The following RFX3 variants were observed in gnomAD, a reference collection of about 807,000 sequenced individuals.
The protein encoded by RFX3 is regulatory factor X3.
In RFX3, 14 loss-of-function variants were observed where a neutral mutation model predicts 98.6. The observed-to-expected ratio is 0.14, with a 90% CI of 0.09 to 0.22. The LOEUF (loss-of-function observed/expected upper bound fraction) is 0.22, where lower values mean the gene tolerates loss of function less well. RFX3 is among the 10% of genes least tolerant of loss of function. The pLI is 1.00. For synonymous variants in RFX3, 383 were observed against 328.4 expected (o/e 1.17, Z -1.80); for missense variants, 639 against 926.9 (o/e 0.69, Z 4.03).
intron 1 of RFX3, among the ~76,000 whole-genome samples, chr9:3,505,509 A>T (rs1044704587): frequency 5.5e-5 from 2 of 36,062 alleles, no homozygotes; most frequent in African/African-American, 1.4e-4. Flanking sequence ...TATTCAGGGA[A>T]AGGCATATAA....
intron 1 of RFX3, among the ~76,000 whole-genome samples, chr9:3,520,931 C>T (rs1043222928): frequency 3.5e-4 from 53 of 152,306 alleles, no homozygotes; most frequent in African/African-American, 1.2e-3. Flanking sequence ...CCTTCTGCCT[C>T]AGTCCCAAAG....
intron 11 of RFX3, among the ~76,000 whole-genome samples, chr9:3,270,145 G>GAA (rs376883026): frequency 2.3e-5 from 3 of 130,808 alleles, no homozygotes; most frequent in Admixed American, 7.4e-5. Context: ...GAAAGAAAAG[G>GAA]AGAAAGAAAG....
chr9:3,309,088 CAGGT>C (rs1247470762), intron 4 of RFX3, among the ~76,000 whole-genome samples: 1 of 152,056 alleles, frequency 6.6e-6, no homozygotes, highest in Non-Finnish European at 1.5e-5. Flanking sequence ...TTGTTCTTGT[CAGGT>C]AGATTCAAGA....
intron 5 of RFX3, among the ~76,000 whole-genome samples, chr9:3,298,023 T>A (rs1358022372): frequency 6.6e-6 from 1 of 151,870 alleles, no homozygotes; most frequent in African/African-American, 2.4e-5. Context: ...GAATTAAATA[T>A]TTTAATTTCA....
At chr9:3,422,839 T>A (rs980852890) in intron 1 of RFX3, among the ~76,000 whole-genome samples, 1 of 152,156 alleles carries the variant, frequency 6.6e-6, no homozygotes, top group Non-Finnish European at 1.5e-5. Context: ...GAGAAATGTA[T>A]TTCAGAAATG....
intron 1 of RFX3, among the ~76,000 whole-genome samples, chr9:3,404,184 G>C (rs1841743963): frequency 6.6e-6 from 1 of 152,076 alleles, no homozygotes; most frequent in African/African-American, 2.4e-5. Flanking sequence ...CATGGGTGTA[G>C]GTGGACCTCA....
intron 1 of RFX3, among the ~76,000 whole-genome samples, chr9:3,522,863 TAATA>T (rs1194326068): frequency 1.3e-5 from 2 of 152,160 alleles, no homozygotes; most frequent in African/African-American, 4.8e-5. Flanking sequence ...AAATTAACCA[TAATA>T]AATTGTTTAG....
intron 3 of RFX3, among the ~76,000 whole-genome samples, chr9:3,346,375 A>G (rs915816382): frequency 6.6e-6 from 1 of 152,210 alleles, no homozygotes; most frequent in South Asian, 2.1e-4. Flanking sequence ...TAAAATACAG[A>G]TATCACTAAC....
At chr9:3,334,208 T>C (rs1481374503) in intron 3 of RFX3, among the ~76,000 whole-genome samples, 1 of 152,222 alleles carries the variant, frequency 6.6e-6, no homozygotes, top group African/African-American at 2.4e-5. Flanking sequence ...CTATTTGAGA[T>C]TTCCTTACAG....
At chr9:3,368,330 C>G (rs956228967) in intron 2 of RFX3, among the ~76,000 whole-genome samples, 1 of 152,106 alleles carries the variant, frequency 6.6e-6, no homozygotes, top group Non-Finnish European at 1.5e-5. Context: ...TGTTTCTATT[C>G]TATCTGAATC....
chr9:3,270,106 G>GAAAGAAAGAAAGAAAC (rs1824215730), intron 11 of RFX3, among the ~76,000 whole-genome samples: 1 of 25,784 alleles, frequency 3.9e-5, no homozygotes, highest in African/African-American at 6.2e-5. Context: ...AAGAAAGAAA[G>GAAAGAAAGAAAGAAAC]AAAGAAAGAA....
intron 16 of RFX3, among the ~76,000 whole-genome samples, chr9:3,226,682 A>G (rs894531876): frequency 3.9e-5 from 6 of 152,204 alleles, no homozygotes; most frequent in African/African-American, 1.4e-4. Context: ...GTACATTCAA[A>G]GGGTTGGAGG....
chr9:3,388,094 T>TC (rs1300933062), intron 2 of RFX3, among the ~76,000 whole-genome samples: 6 of 152,116 alleles, frequency 3.9e-5, no homozygotes, highest in Non-Finnish European at 8.8e-5. Flanking sequence ...TCGGTATAAT[T>TC]CTAATTATCA....
At chr9:3,516,861 T>C (rs1818229690) in intron 1 of RFX3, among the ~76,000 whole-genome samples, 2 of 152,040 alleles carry the variant, frequency 1.3e-5, no homozygotes, top group South Asian at 4.1e-4. Context: ...CACACACACA[T>C]AGAGAAGCTG....
chr9:3,257,737 G>T (rs928888139), intron 13 of RFX3, among the ~76,000 whole-genome samples: 1 of 152,186 alleles, frequency 6.6e-6, no homozygotes, highest in South Asian at 2.1e-4. Flanking sequence ...ATGCTGCTGT[G>T]AGTTATATGG....
At chr9:3,229,831 G>A (rs907025483) in intron 15 of RFX3, among the ~76,000 whole-genome samples, 2 of 152,254 alleles carry the variant, frequency 1.3e-5, no homozygotes, top group East Asian at 1.9e-4. Context: ...TCCATGATAG[G>A]AGTATTTTTT....
intron 1 of RFX3, among the ~76,000 whole-genome samples, chr9:3,492,208 C>T (rs1418936239): frequency 3.3e-5 from 5 of 152,162 alleles, no homozygotes; most frequent in Non-Finnish European, 5.9e-5. Flanking sequence ...AAATACTGTC[C>T]TACTTTCTCA....
At chr9:3,258,384 T>C (rs987469546) in intron 13 of RFX3, among the ~76,000 whole-genome samples, 4 of 152,096 alleles carry the variant, frequency 2.6e-5, no homozygotes, top group Non-Finnish European at 4.4e-5. Context: ...ACTGAATAAA[T>C]CCATTATCTC....
chr9:3,293,354 G>T, intron 5 of RFX3, 96 bp from the exon 6 acceptor site: 1 of 866,884 alleles, frequency 1.2e-6, no homozygotes, highest in Non-Finnish European at 1.7e-6. Flanking sequence ...ATACTTAGAA[G>T]TTCTTCATCA....
Sources: gnomAD v4.1 joint callset for allele counts (sites outside exome capture counted in the v4.1 genomes callset) on GRCh38, gnomAD v4.1.1 for gene constraint, MANE v1.5 for transcripts, NCBI Gene and HGNC (gene_info 2026-07-23, HGNC 2026-07-21) for gene names.